Variants in KALRN observed in about 807,000 individuals in gnomAD.
KALRN encodes the protein kalirin.
A neutral mutation model predicts 353.7 loss-of-function variants in KALRN; 70 were observed. That is an observed-to-expected ratio of 0.20 (90% CI 0.16 to 0.24). The LOEUF (loss-of-function observed/expected upper bound fraction) is 0.24, where lower values mean the gene tolerates loss of function less well. Among genes scored for constraint, KALRN ranks in the 10% least tolerant of loss-of-function variants. The pLI, the probability that KALRN is intolerant of heterozygous loss-of-function variation, is 1.00. For synonymous variants in KALRN, 1,391 were observed against 1,434.8 expected (o/e 0.97, Z 0.69); for missense variants, 2,791 against 3,756.7 (o/e 0.74, Z 6.72).
chr3:124,474,023 T>C (rs928995727), intron 25 of KALRN, among the ~76,000 whole-genome samples: 2 of 152,200 alleles, frequency 1.3e-5, no homozygotes, highest in African/African-American at 4.8e-5. Flanking sequence ...AATTATTTCT[T>C]TATTATTTAT....
chr3:124,639,191 T>C (rs1274292320), intron 37 of KALRN, among the ~76,000 whole-genome samples: 1 of 152,186 alleles, frequency 6.6e-6, no homozygotes, highest in African/African-American at 2.4e-5. Flanking sequence ...GTTCTCCCTC[T>C]TATGTTTGCT....
chr3:124,632,816 C>G, intron 35 of KALRN, 113 bp downstream of exon 35: 1 of 1,023,156 alleles, frequency 9.8e-7, no homozygotes, highest in Non-Finnish European at 1.4e-6. Flanking sequence ...TTACCTTGAG[C>G]CTAAGTGATT....
In KALRN at chr3:124,578,197, C is replaced by G. The variant is rs560556928; in HGVS notation, c.5182+15108C>G. 1.1e-4 allele frequency among the ~76,000 whole-genome samples: 16 copies of G among 152,292 alleles called. No homozygotes were observed. In the South Asian group the frequency reaches 3.1e-3, roughly 30 times the overall value. On this transcript the variant is annotated intron_variant, in intron 34 of 59. Transcript: ENST00000682506. ...TCCCATGTATAGGTTAGCTTAGTGA[C>G]TTACAAATAGTAAATATTCCAAGAC...
chr3:124,385,255 T>C (rs1300132574), intron 11 of KALRN, among the ~76,000 whole-genome samples: 2 of 151,770 alleles, frequency 1.3e-5, no homozygotes, highest in Non-Finnish European at 2.9e-5. Context: ...GGAAAAGGGG[T>C]CATGGAGACA....
intron 1 of KALRN, among the ~76,000 whole-genome samples, chr3:124,135,468 A>G (rs1048069256): frequency 1.3e-5 from 2 of 152,168 alleles, no homozygotes; most frequent in Non-Finnish European, 2.9e-5. Flanking sequence ...CTCACAAATC[A>G]CCACTAAAGA....
rs1347049668 is a variant in KALRN, at chr3:124,113,608, T to C, written c.73+79795T>C. Among the ~76,000 whole-genome samples, 4 of 152,216 alleles carry C rather than the reference T, an allele frequency of 2.6e-5. 1 individual carries two copies. The South Asian group carries it at 8.3e-4, about 32-fold the overall frequency. ...TACCTGCTTGTGACTGGGATATGTT[T>C]CCTGCAGGAGTGAAGCCATTGGTAG... On this transcript the variant is annotated intron_variant, in intron 1 of 59. Coordinates refer to ENST00000682506, the MANE Select transcript of KALRN (RefSeq NM_001388419.1).
At chr3:124,236,430 CTAAG>C in intron 3 of KALRN, among the ~76,000 whole-genome samples, 1 of 152,118 alleles carries the variant, frequency 6.6e-6, no homozygotes, top group South Asian at 2.1e-4. Context: ...AGCACTTTTC[CTAAG>C]TAAGTGACTA....
intron 1 of KALRN, among the ~76,000 whole-genome samples, chr3:124,057,618 G>A (rs906964890): frequency 1.3e-5 from 2 of 152,050 alleles, no homozygotes; most frequent in African/African-American, 4.8e-5. Flanking sequence ...ACTTGTGCGC[G>A]TGCCAAACTC....
chr3:124,249,088 A>G (rs2070752820), intron 3 of KALRN, among the ~76,000 whole-genome samples: 1 of 152,252 alleles, frequency 6.6e-6, no homozygotes, highest in African/African-American at 2.4e-5. Context: ...GGAGTGCTGC[A>G]TTGGGAAGAT....
At chr3:124,047,649 C>T (rs529374522) in intron 1 of KALRN, among the ~76,000 whole-genome samples, 19 of 149,864 alleles carry the variant, frequency 1.3e-4, no homozygotes, top group South Asian at 6.6e-4. Context: ...CCCGCCACCA[C>T]GCCTGGCTAA....
intron 33 of KALRN, among the ~76,000 whole-genome samples, chr3:124,520,549 C>G (rs1308514738): frequency 6.6e-6 from 1 of 152,090 alleles, no homozygotes; most frequent in Non-Finnish European, 1.5e-5. Context: ...CATCCCAAAA[C>G]CATCCCCTAC....
At chr3:124,320,454 C>G (rs534945590) in intron 6 of KALRN, among the ~76,000 whole-genome samples, 1 of 152,192 alleles carries the variant, frequency 6.6e-6, no homozygotes, top group Non-Finnish European at 1.5e-5. Context: ...CTGCCTCTCT[C>G]GAGCTGAAGA....
intron 33 of KALRN, among the ~76,000 whole-genome samples, chr3:124,524,183 C>G (rs2067390780): frequency 1.3e-5 from 2 of 152,262 alleles, no homozygotes; most frequent in South Asian, 4.2e-4. Flanking sequence ...AAGCTGCTCC[C>G]CATTTTCATT....
chr3:124,574,199 A>G (rs1561318938), intron 34 of KALRN, among the ~76,000 whole-genome samples: 1 of 152,192 alleles, frequency 6.6e-6, no homozygotes, highest in Non-Finnish European at 1.5e-5. Flanking sequence ...CAAAGCCTCA[A>G]ATAGGAACAT....
chr3:124,126,018 C>G (rs2064620959), intron 1 of KALRN, among the ~76,000 whole-genome samples: 1 of 152,184 alleles, frequency 6.6e-6, no homozygotes, highest in East Asian at 1.9e-4. Context: ...AGCTTACCTA[C>G]TAACATTCTC....
At chr3:124,612,089 A>G (rs943480058) in intron 34 of KALRN, among the ~76,000 whole-genome samples, 1 of 152,332 alleles carries the variant, frequency 6.6e-6, no homozygotes, top group African/African-American at 2.4e-5. Context: ...CAATGGCACA[A>G]TCTCAGCTTA....
intron 1 of KALRN, among the ~76,000 whole-genome samples, chr3:124,202,948 C>T (rs1406599244): frequency 3.9e-5 from 6 of 152,150 alleles, no homozygotes; most frequent in Non-Finnish European, 8.8e-5. Flanking sequence ...CAGGCTGGGC[C>T]GTCAGCACTC....
At chr3:124,055,034 C>A (rs2041397625) in intron 1 of KALRN, among the ~76,000 whole-genome samples, 1 of 152,186 alleles carries the variant, frequency 6.6e-6, no homozygotes, top group African/African-American at 2.4e-5. Flanking sequence ...GTGAATTCCT[C>A]ATCTCAGAGG....
intron 2 of KALRN, 38 bp from the exon 3 acceptor site, chr3:124,234,791 G>T: frequency 6.8e-7 from 1 of 1,472,982 alleles, no homozygotes; most frequent in South Asian, 1.2e-5. Flanking sequence ...CTTTCTGACT[G>T]GTTTTCTTAA....
Sources: gnomAD v4.1 joint callset for allele counts (sites outside exome capture counted in the v4.1 genomes callset) on GRCh38, gnomAD v4.1.1 for gene constraint, MANE v1.5 for transcripts, NCBI Gene and HGNC (gene_info 2026-07-23, HGNC 2026-07-21) for gene names.